Variants in TENM3 observed in about 807,000 individuals in gnomAD.
The protein encoded by TENM3 is teneurin transmembrane protein 3.
In TENM3, 63 loss-of-function variants were observed where a neutral mutation model predicts 255.1. The ratio of observed to expected loss-of-function variants is 0.25; its 90% CI spans 0.20 to 0.30. The LOEUF (loss-of-function observed/expected upper bound fraction) is 0.30. Ranked by LOEUF, TENM3 falls within the 10% of genes least tolerant of loss-of-function variation. The pLI, the probability that TENM3 is intolerant of heterozygous loss-of-function variation, is 1.00. For synonymous variants in TENM3, 1,306 were observed against 1,322.3 expected (o/e 0.99, Z 0.27); for missense variants, 2,929 against 3,461.1 (o/e 0.85, Z 3.86).
chr4:182,337,538 A>G (rs1333724336), intron 2 of TENM3, among the ~76,000 whole-genome samples: 1 of 152,196 alleles, frequency 6.6e-6, no homozygotes, highest in Non-Finnish European at 1.5e-5. Flanking sequence ...AAAAAGACCC[A>G]TAGCACCAAA....
chr4:182,417,204 C>A lies in TENM3; in HGVS notation c.511+70275C>A, dbSNP rs1394832284. Among the ~76,000 whole-genome samples, 3 of 152,052 alleles carry A rather than the reference C, an allele frequency of 2.0e-5. 1 individual carries two copies. The East Asian group carries it at 5.8e-4, about 29-fold the overall frequency. ...TGTCAGCCAGGATGGTCTCGATCTC[C>A]TGACCTCGTGATCCGCTCGTCTCGG... On this transcript the variant is annotated intron_variant, in intron 3 of 27. Coordinates refer to ENST00000511685, the MANE Select transcript of TENM3 (RefSeq NM_001080477.4).
the TENM3 span, among the ~76,000 whole-genome samples, chr4:181,757,232 C>T: frequency 6.6e-6 from 1 of 152,176 alleles, no homozygotes; most frequent in Non-Finnish European, 1.5e-5. Flanking sequence ...GCAGTAAATG[C>T]CTTCACCAGC....
chr4:182,049,144 T>A, the TENM3 span, among the ~76,000 whole-genome samples: 1 of 152,150 alleles, frequency 6.6e-6, no homozygotes, highest in East Asian at 1.9e-4. Context: ...TCTCTTTCTA[T>A]GTCCAGCTAT....
the TENM3 span, among the ~76,000 whole-genome samples, chr4:181,544,408 T>TA: frequency 0.061 from 4,209 of 68,502 alleles, 290 homozygotes; most frequent in African/African-American, 0.076. Flanking sequence ...CCTTCAGGAT[T>TA]AAAAAAAAAA....
chr4:182,096,836 T>C, the TENM3 span, among the ~76,000 whole-genome samples: 3 of 152,298 alleles, frequency 2.0e-5, no homozygotes, highest in South Asian at 6.2e-4. Context: ...TGGGAAACTC[T>C]ACAGGTTAAA....
In TENM3 at chr4:182,728,785, G is replaced by A. The variant is rs2309698; in HGVS notation, c.2369-180G>A. Among the ~76,000 whole-genome samples, 133,076 of 151,970 alleles carry A rather than the reference G, an allele frequency of 0.88. 58,493 individuals are homozygous for A. Among genetic ancestry groups the A allele is most frequent in the African/African-American group, 0.94 (39,052 of 41,476 alleles). On this transcript the variant is annotated intron_variant, in intron 13 of 27. Coordinates refer to ENST00000511685, the MANE Select transcript of TENM3 (RefSeq NM_001080477.4). Reference sequence around the variant, plus strand: ...TATATGGTCTGTCATTATGTGGCATGTGACTATTGTATTTCTATTTCTTCT... The same window carrying A: ...TATATGGTCTGTCATTATGTGGCATATGACTATTGTATTTCTATTTCTTCT...
At chr4:182,437,136 T>C (rs1772109092) in intron 3 of TENM3, among the ~76,000 whole-genome samples, 1 of 152,058 alleles carries the variant, frequency 6.6e-6, no homozygotes, top group Non-Finnish European at 1.5e-5. Flanking sequence ...ACACACCAAA[T>C]GTTACCATAT....
rs539413121 is a variant in TENM3 at position 182,615,092 on chromosome 4, G to A, written c.750-13559G>A. Among the ~76,000 whole-genome samples, 294 of 134,772 alleles carry A rather than the reference G, an allele frequency of 2.2e-3. 3 individuals are homozygous for A. The highest frequency in any genetic ancestry group is 7.7e-3 in the African/African-American group (284 of 37,028). 88.4% of individuals were successfully genotyped at this position (134,772 alleles called of 152,430 possible). The stretch of plus-strand genomic sequence containing the variant: ...GTATTTTTTTTTTCTTCTCCAAATA[G>A]CAGATACGTAAAGTGAAAAGAGATT... On this transcript the variant is annotated intron_variant, in intron 4 of 27. Coordinates refer to ENST00000511685, the MANE Select transcript of TENM3 (RefSeq NM_001080477.4).
chr4:181,960,302 A>T, the TENM3 span, among the ~76,000 whole-genome samples: 1 of 152,134 alleles, frequency 6.6e-6, no homozygotes, highest in African/African-American at 2.4e-5. Context: ...AATGTAATGG[A>T]TTCTCTCAAT....
chr4:182,063,539 T>C, the TENM3 span, among the ~76,000 whole-genome samples: 2 of 152,176 alleles, frequency 1.3e-5, no homozygotes, highest in African/African-American at 4.8e-5. Flanking sequence ...TCCCAAAACA[T>C]CGAAGTATTA....
chr4:181,548,577 A>G, the TENM3 span, among the ~76,000 whole-genome samples: 3 of 152,232 alleles, frequency 2.0e-5, no homozygotes, highest in Non-Finnish European at 4.4e-5. Context: ...TGTTCTCAGA[A>G]ATATAATTTC....
chr4:182,223,133 G>A (rs1019428573), intron 1 of TENM3, among the ~76,000 whole-genome samples: 2 of 152,148 alleles, frequency 1.3e-5, no homozygotes, highest in African/African-American at 4.8e-5. Context: ...TATGGTAGGG[G>A]AAAATGAGGT....
chr4:181,551,382 A>G, the TENM3 span, among the ~76,000 whole-genome samples: 1 of 152,212 alleles, frequency 6.6e-6, no homozygotes, highest in Non-Finnish European at 1.5e-5. Flanking sequence ...GGGACTGGCA[A>G]CTTTGTATGG....
At chr4:182,586,498 A>G (rs1746033693) in intron 3 of TENM3, among the ~76,000 whole-genome samples, 1 of 152,208 alleles carries the variant, frequency 6.6e-6, no homozygotes, top group African/African-American at 2.4e-5. Context: ...TGTTGTATAC[A>G]CACAAAAAAC....
the TENM3 span, among the ~76,000 whole-genome samples, chr4:181,450,154 A>T: frequency 6.6e-6 from 1 of 152,208 alleles, no homozygotes; most frequent in African/African-American, 2.4e-5. Flanking sequence ...GAAAGTTATG[A>T]ATATCCAAAT....
chr4:182,095,398 T>C, the TENM3 span, among the ~76,000 whole-genome samples: 5 of 152,306 alleles, frequency 3.3e-5, no homozygotes, highest in South Asian at 8.3e-4. Flanking sequence ...TGCAGCAACA[T>C]GGATGGAACT....
At chr4:182,612,448 C>A (rs1368999779) in intron 4 of TENM3, among the ~76,000 whole-genome samples, 2 of 152,082 alleles carry the variant, frequency 1.3e-5, no homozygotes, top group Non-Finnish European at 2.9e-5. Context: ...AACCTTCCAA[C>A]AGAAAGACTG....
chr4:182,664,567 G>C (rs770897303), intron 6 of TENM3, among the ~76,000 whole-genome samples: 11 of 152,208 alleles, frequency 7.2e-5, no homozygotes, highest in Admixed American at 1.3e-4. Context: ...ATTAAGCTTA[G>C]TGGGGAAGGC....
the TENM3 span, among the ~76,000 whole-genome samples, chr4:181,779,410 T>C: frequency 1.3e-5 from 2 of 151,772 alleles, no homozygotes; most frequent in Non-Finnish European, 2.9e-5. Context: ...CTGGGAAACA[T>C]AGTTTCATTT....
Sources: allele counts gnomAD v4.1 joint callset (sites outside exome capture counted in the v4.1 genomes callset), GRCh38; gene constraint gnomAD v4.1.1; transcripts MANE v1.5; gene names NCBI Gene and HGNC (gene_info 2026-07-23, HGNC 2026-07-21).